The following ADAMTS16 variants were observed in gnomAD, a reference collection of about 807,000 sequenced individuals.
The protein encoded by ADAMTS16 is ADAM metallopeptidase with thrombospondin type 1 motif 16, also known as A disintegrin and metalloproteinase with thrombospondin motifs 16.
Under a neutral mutation model 145.8 loss-of-function variants are expected in ADAMTS16, and 94 were observed. That is an observed-to-expected ratio of 0.64 (90% CI 0.55 to 0.77). The LOEUF (loss-of-function observed/expected upper bound fraction) is 0.77, where lower values mean the gene tolerates loss of function less well. Among genes scored for constraint, ADAMTS16 ranks in the 30% least tolerant of loss-of-function variants. The probability of loss-of-function intolerance (pLI) is 0.00; values close to 1 mark genes in which losing one functional copy is unlikely to be tolerated. For missense variants in ADAMTS16, 1,585 were observed against 1,591.5 expected (o/e 1.00, Z 0.07); for synonymous variants, 659 against 604.3 (o/e 1.09, Z -1.33).
intron 17 of ADAMTS16, among the ~76,000 whole-genome samples, chr5:5,245,375 A>G (rs1462697300): frequency 1.3e-5 from 2 of 152,240 alleles, no homozygotes; most frequent in Non-Finnish European, 2.9e-5. Flanking sequence ...GCCAATGAGC[A>G]ATAACCTTTG....
intron 18 of ADAMTS16, among the ~76,000 whole-genome samples, chr5:5,272,078 G>C (rs563479337): frequency 1.3e-5 from 2 of 152,266 alleles, no homozygotes; most frequent in Non-Finnish European, 2.9e-5. Flanking sequence ...TTTTCGATCT[G>C]AGGCCGTGAA....
intron 18 of ADAMTS16, among the ~76,000 whole-genome samples, chr5:5,284,547 A>G (rs1002052645): frequency 6.6e-6 from 1 of 152,156 alleles, no homozygotes; most frequent in Non-Finnish European, 1.5e-5. Context: ...TGAGCATCTC[A>G]GGAGTGTTGT....
In ADAMTS16 at chr5:5,319,428, A is replaced by T. The variant is rs1309023756; in HGVS notation, c.*290A>T. On this transcript the variant is annotated 3_prime_UTR_variant, in exon 23 of 23. Transcript: ENST00000274181. ...CAGGCACCACAACGGGAGAGGCAGC[A>T]CTCACCCCTGCCTGTTGCAGCTAAA... The T allele has an allele frequency of 4.5e-6, 2 of 439,706 alleles. No homozygotes were observed. The highest frequency in any genetic ancestry group is 8.3e-6 in the Non-Finnish European group (2 of 240,828). 27.2% of individuals were successfully genotyped at this position (439,706 alleles called of 1,614,324 possible).
chr5:5,305,644 C>T (rs1292555094), intron 20 of ADAMTS16, among the ~76,000 whole-genome samples: 1 of 152,192 alleles, frequency 6.6e-6, no homozygotes, highest in African/African-American at 2.4e-5. Context: ...TCAGGATGCA[C>T]AAAAAGCACA....
intron 8 of ADAMTS16, among the ~76,000 whole-genome samples, chr5:5,193,907 C>A (rs1735730788): frequency 6.6e-6 from 1 of 151,854 alleles, no homozygotes; most frequent in Non-Finnish European, 1.5e-5. Flanking sequence ...TCAAGACCAG[C>A]CTGGGCAACA....
At chr5:5,195,428 T>C (rs1398734462) in intron 8 of ADAMTS16, among the ~76,000 whole-genome samples, 1 of 152,210 alleles carries the variant, frequency 6.6e-6, no homozygotes, top group African/African-American at 2.4e-5. Context: ...GGTAGGGCTC[T>C]GGGACTCAGA....
rs763321140 is a variant in ADAMTS16 at position 5,306,737 on chromosome 5, G to A, written c.3411+9G>A. On this transcript the variant is annotated intron_variant, in intron 21 of 22. Coordinates refer to ENST00000274181, the MANE Select transcript of ADAMTS16 (RefSeq NM_139056.4). ...CCTCACCCTGGTCTCAGGTAGGGGAGGCCCTCGGTTCCTGGAGAGTGGGCG... is the reference window on the plus strand; with the variant it reads ...CCTCACCCTGGTCTCAGGTAGGGGAAGCCCTCGGTTCCTGGAGAGTGGGCG... 12 of 1,595,056 alleles carry A rather than the reference G, an allele frequency of 7.5e-6. No individual in the cohort carries two copies. The South Asian group carries it at 1.1e-4, about 15-fold the overall frequency.
chr5:5,261,594 C>G (rs760747929), intron 17 of ADAMTS16, among the ~76,000 whole-genome samples: 1 of 148,310 alleles, frequency 6.7e-6, no homozygotes, highest in African/African-American at 2.5e-5. Context: ...TCCAGCGATT[C>G]TTCTGCCTCA....
intron 17 of ADAMTS16, among the ~76,000 whole-genome samples, chr5:5,243,811 A>C (rs1291322365): frequency 1.3e-5 from 2 of 152,198 alleles, no homozygotes. Context: ...AGGGGAACTC[A>C]GTGTTCTCAG....
Position 5,239,262 on chromosome 5 carries a change from C to T in ADAMTS16, c.2266C>T (p.His756Tyr), listed in dbSNP as rs145291543. Reference sequence around the variant, plus strand: ...TCACAGGGGTCTCTACACCAAGCACCACCACACCAACCGTGAGTACTTTAG... The same window carrying T: ...TCACAGGGGTCTCTACACCAAGCACTACCACACCAACCGTGAGTACTTTAG... The part of the protein sequence containing the change: ...TIHRGLYTKH[H>Y]HTNQYYHMVT... Residue 756 changes from histidine (H) to tyrosine (Y), a missense_variant, in exon 15 of 23, where the codon CAC becomes TAC. Physicochemically the swap from His to Tyr is moderately conservative, Grantham distance 83. Transcript: ENST00000274181. 3.5e-4 allele frequency: 553 copies of T among 1,574,916 alleles called. 4 individuals carry two copies. In the East Asian group the frequency reaches 0.011, roughly 31 times the overall value.
At chr5:5,230,460 C>G (rs1038505487) in intron 11 of ADAMTS16, among the ~76,000 whole-genome samples, 9 of 151,976 alleles carry the variant, frequency 5.9e-5, no homozygotes, top group Non-Finnish European at 1.2e-4. Context: ...TTTGGAGAAC[C>G]CTTAGTGAAA....
At chr5:5,234,357 T>C (rs887788694) in intron 12 of ADAMTS16, among the ~76,000 whole-genome samples, 1 of 152,202 alleles carries the variant, frequency 6.6e-6, no homozygotes, top group Non-Finnish European at 1.5e-5. Flanking sequence ...TTCTCTCAAA[T>C]GTGCTATCCT....
chr5:5,319,841 T>C lies in ADAMTS16; in HGVS notation c.*703T>C, dbSNP rs560549720. 1.6e-4 allele frequency: 73 copies of C among 455,256 alleles called. No homozygotes were observed. In the Middle Eastern group the frequency reaches 2.2e-3, roughly 14 times the overall value. The allele number at this position is 455,256 out of a possible 1,614,324, so 28.2% of individuals were successfully genotyped here. On this transcript the variant is annotated 3_prime_UTR_variant, in exon 23 of 23. Transcript: ENST00000274181. Reference sequence around the variant, plus strand: ...CTTCTATCTCTTTCAGATTCATGCATTGAAGGAGAGATTTTTTATACTTTA... The same window carrying C: ...CTTCTATCTCTTTCAGATTCATGCACTGAAGGAGAGATTTTTTATACTTTA...
intron 10 of ADAMTS16, among the ~76,000 whole-genome samples, chr5:5,221,105 CACA>C (rs1736594109): frequency 6.6e-6 from 1 of 152,064 alleles, no homozygotes; most frequent in Admixed American, 6.5e-5. Flanking sequence ...AGCCGGTGTG[CACA>C]GGCTGTGGTT....
chr5:5,271,390 C>CCCGCTCCTT (rs1322969322), intron 18 of ADAMTS16, among the ~76,000 whole-genome samples: 4 of 152,354 alleles, frequency 2.6e-5, no homozygotes, highest in East Asian at 3.9e-4. Flanking sequence ...GCCTGTGGCT[C>CCCGCTCCTT]CCGCTCCTTC....
chr5:5,216,976 T>C (rs952587519), intron 10 of ADAMTS16, among the ~76,000 whole-genome samples: 13 of 151,948 alleles, frequency 8.6e-5, no homozygotes, highest in Non-Finnish European at 2.9e-5. Flanking sequence ...ATGGTGTATA[T>C]GTGCCACATA....
At chr5:5,270,348 G>T (rs1738416126) in intron 18 of ADAMTS16, among the ~76,000 whole-genome samples, 1 of 152,164 alleles carries the variant, frequency 6.6e-6, no homozygotes, top group Admixed American at 6.5e-5. Context: ...GCGCTGGGCG[G>T]CATTGCACCT....
intron 18 of ADAMTS16, among the ~76,000 whole-genome samples, chr5:5,283,018 A>C (rs1386560040): frequency 6.6e-6 from 1 of 151,988 alleles, no homozygotes; most frequent in Non-Finnish European, 1.5e-5. Context: ...AGATCCTAAA[A>C]TTTTATATTT....
intron 6 of ADAMTS16, among the ~76,000 whole-genome samples, chr5:5,188,067 C>T (rs548006328): frequency 4.6e-5 from 7 of 152,154 alleles, no homozygotes; most frequent in African/African-American, 1.7e-4. Context: ...GTAAAAGCTG[C>T]CTTCAGCATA....
Sources: allele counts gnomAD v4.1 joint callset (sites outside exome capture counted in the v4.1 genomes callset), GRCh38; gene constraint gnomAD v4.1.1; transcripts MANE v1.5; gene names NCBI Gene and HGNC (gene_info 2026-07-23, HGNC 2026-07-21).